Variants in PSD3 observed in about 807,000 individuals in gnomAD.
The protein encoded by PSD3 is PH and SEC7 domain-containing protein 3.
Under a neutral mutation model 105.5 loss-of-function variants are expected in PSD3, and 49 were observed. The ratio of observed to expected loss-of-function variants is 0.46; its 90% CI spans 0.37 to 0.59. PSD3 has a LOEUF of 0.59. PSD3 is among the 20% of genes least tolerant of loss of function. PSD3 has a pLI of 0.00. For missense variants in PSD3, 1,561 were observed against 1,263.8 expected, an observed-to-expected ratio of 1.24 and a Z score of -3.57; for synonymous variants, 557 against 457.8, an observed-to-expected ratio of 1.22 and a Z score of -2.77.
chr8:18,901,045 T>A (rs1238302993), intron 2 of PSD3, among the ~76,000 whole-genome samples: 1 of 152,220 alleles, frequency 6.6e-6, no homozygotes, highest in Non-Finnish European at 1.5e-5. Flanking sequence ...ATGTACAGTC[T>A]GGTGTATATA....
intron 1 of PSD3, among the ~76,000 whole-genome samples, chr8:19,068,813 C>T (rs773448223): frequency 3.3e-5 from 5 of 151,432 alleles, no homozygotes; most frequent in Admixed American, 6.6e-5. Flanking sequence ...CTTGGTGCTG[C>T]GATGTACAGG....
chr8:18,879,870 A>T (rs1188177404), intron 2 of PSD3, among the ~76,000 whole-genome samples: 1 of 152,128 alleles, frequency 6.6e-6, no homozygotes, highest in East Asian at 1.9e-4. Context: ...AAGTGCTGGG[A>T]TTACGGCGTG....
At chr8:19,013,867 C>A (rs1457209058), upstream of PSD3, among the ~76,000 whole-genome samples, 3 of 143,668 alleles carry the variant, frequency 2.1e-5, no homozygotes, top group Admixed American at 6.9e-5. Flanking sequence ...GCGGGGCCGA[C>A]GCCTCGGGGA....
At chr8:18,642,760 C>A (rs1295147309) in intron 10 of PSD3, among the ~76,000 whole-genome samples, 2 of 152,144 alleles carry the variant, frequency 1.3e-5, no homozygotes, top group Non-Finnish European at 2.9e-5. Flanking sequence ...CACAATAAAA[C>A]CCTTAAAATT....
In PSD3 at chr8:18,984,693, T is replaced by C. The variant is rs1041646043; in HGVS notation, c.21+28870A>G. ...TACAAAAATGTTGAGGTTTTTAAAT[T>C]TTTTCACATTTGAAATTTTCCAAAT... is the stretch of plus-strand genomic sequence containing the variant. On this transcript the variant is annotated intron_variant, in intron 1 of 15. Coordinates refer to ENST00000327040, the MANE Select transcript of PSD3 (RefSeq NM_015310.4). Among the ~76,000 whole-genome samples, 126 of 152,318 alleles carry C rather than the reference T, an allele frequency of 8.3e-4. 2 individuals carry two copies. The highest frequency in any genetic ancestry group is 4.3e-4 in the Non-Finnish European group (29 of 68,032).
chr8:18,949,487 A>G (rs764933435), intron 1 of PSD3, among the ~76,000 whole-genome samples: 13 of 151,828 alleles, frequency 8.6e-5, no homozygotes, highest in Admixed American at 3.3e-4. Context: ...TTAAAATAAT[A>G]TAATCATTGC....
rs192986288 is a variant in PSD3 at position 18,819,912 on chromosome 8, C to T, written c.1635-15014G>A. ...TCTCATGCATCAACCAGTGTGAACC[C>T]TGGCAGCCAGGTGGCTGTCAGACTT... On this transcript the variant is annotated intron_variant, in intron 4 of 15. Transcript: ENST00000327040. 5.6e-4 allele frequency among the ~76,000 whole-genome samples: 86 copies of T among 152,332 alleles called. No individual in the cohort carries two copies. The East Asian group carries it at 0.013, about 22-fold the overall frequency.
chr8:18,981,646 A>T (rs2129472818), intron 1 of PSD3, among the ~76,000 whole-genome samples: 1 of 125,206 alleles, frequency 8.0e-6, no homozygotes, highest in South Asian at 2.6e-4. Context: ...CAAACATCAC[A>T]ATAAAGTGAA....
intron 4 of PSD3, among the ~76,000 whole-genome samples, chr8:18,840,348 GGGGTTGGTA>G (rs1814515932): frequency 6.6e-6 from 1 of 152,170 alleles, no homozygotes; most frequent in Admixed American, 6.5e-5. Context: ...TGACCTGAAG[GGGGTTGGTA>G]GGGTTGGTAC....
At chr8:18,966,776 T>C (rs530584932) in intron 1 of PSD3, among the ~76,000 whole-genome samples, 3 of 152,222 alleles carry the variant, frequency 2.0e-5, no homozygotes, top group East Asian at 3.9e-4. Flanking sequence ...TTTGAATAGA[T>C]GGTCATTTAA....
chr8:18,857,658 T>C (rs1816126063), intron 4 of PSD3, among the ~76,000 whole-genome samples: 1 of 152,220 alleles, frequency 6.6e-6, no homozygotes, highest in Admixed American at 6.5e-5. Flanking sequence ...TGTAGACCAG[T>C]GCTTTGCAAA....
intron 1 of PSD3, among the ~76,000 whole-genome samples, chr8:18,957,615 A>G (rs1036558164): frequency 1.3e-5 from 2 of 152,164 alleles, no homozygotes; most frequent in Non-Finnish European, 2.9e-5. Flanking sequence ...CTAGACAGGG[A>G]GGGCTGTAAA....
intron 1 of PSD3, among the ~76,000 whole-genome samples, chr8:19,052,802 T>C (rs334211): frequency 0.95 from 144,214 of 151,986 alleles, 68,653 homozygotes; most frequent in Non-Finnish European, 1. Flanking sequence ...GTGGGTCCAT[T>C]GGGTGCCCCC....
chr8:18,842,355 C>G (rs964213782), intron 4 of PSD3, among the ~76,000 whole-genome samples: 3 of 152,318 alleles, frequency 2.0e-5, no homozygotes, highest in African/African-American at 7.2e-5. Flanking sequence ...TAAAAATGCT[C>G]TCATAAGGGA....
At chr8:18,709,985 G>C (rs1802151133) in intron 9 of PSD3, among the ~76,000 whole-genome samples, 1 of 152,208 alleles carries the variant, frequency 6.6e-6, no homozygotes, top group Admixed American at 6.5e-5. Flanking sequence ...GAACTGGACT[G>C]AGCCTGAGAC....
intron 1 of PSD3, among the ~76,000 whole-genome samples, chr8:19,044,401 C>A (rs1464558931): frequency 1.3e-5 from 2 of 152,116 alleles, no homozygotes; most frequent in African/African-American, 2.4e-5. Flanking sequence ...AGATAGGATT[C>A]AATTCTAGGC....
At chr8:18,681,154 G>A (rs373414795) in intron 9 of PSD3, among the ~76,000 whole-genome samples, 2 of 152,080 alleles carry the variant, frequency 1.3e-5, no homozygotes, top group African/African-American at 2.4e-5. Flanking sequence ...TCCCAGGAGC[G>A]AACCACGAGT....
intron 11 of PSD3, among the ~76,000 whole-genome samples, chr8:18,618,672 G>C (rs1805881647): frequency 1.3e-5 from 2 of 150,062 alleles, no homozygotes; most frequent in African/African-American, 4.9e-5. Flanking sequence ...TCACCTTAAG[G>C]TTTTTGCATT....
chr8:18,695,964 T>C (rs1014859103), intron 9 of PSD3, among the ~76,000 whole-genome samples: 2 of 152,198 alleles, frequency 1.3e-5, no homozygotes, highest in African/African-American at 4.8e-5. Flanking sequence ...TGCACATTCC[T>C]GGGTAGACTC....
Sources: allele counts gnomAD v4.1 joint callset (sites outside exome capture counted in the v4.1 genomes callset), GRCh38; gene constraint gnomAD v4.1.1; transcripts MANE v1.5; gene names NCBI Gene and HGNC (gene_info 2026-07-23, HGNC 2026-07-21).